SLC29A4: variants seen among roughly 807,000 people sequenced by gnomAD.
The protein encoded by SLC29A4 is solute carrier family 29 member 4.
In SLC29A4, 36 loss-of-function variants were observed where a neutral mutation model predicts 43.9. The observed-to-expected ratio is 0.82, with a 90% CI of 0.63 to 1.08. The LOEUF (loss-of-function observed/expected upper bound fraction) is 1.08. SLC29A4 is among the 50% of genes least tolerant of loss of function. SLC29A4 has a pLI of 0.00. For missense variants in SLC29A4, 869 were observed against 755.3 expected (o/e 1.15, Z -1.77); for synonymous variants, 491 against 338.0 (o/e 1.45, Z -4.97).
intron 1 of SLC29A4, among the ~76,000 whole-genome samples, chr7:5,287,144 G>GCAGTGGCT (rs1562440307): frequency 1.3e-5 from 2 of 152,214 alleles, no homozygotes; most frequent in Non-Finnish European, 2.9e-5. Context: ...AGGGCTGGGC[G>GCAGTGGCT]CAGTGGCTCA....
rs748257892 is a variant in SLC29A4, at chr7:5,294,856, T to TC, written c.545-4_545-3insC. The TC allele has an allele frequency of 3.6e-5, 57 of 1,571,872 alleles. No homozygotes were observed. Among genetic ancestry groups the TC allele is most frequent in the South Asian group, 8.1e-5 (7 of 86,944 alleles). On this transcript the variant is annotated splice_polypyrimidine_tract_variant and splice_region_variant and intron_variant, in intron 5 of 10. Coordinates refer to ENST00000396872, the MANE Select transcript of SLC29A4 (RefSeq NM_153247.4). Reference sequence around the variant, plus strand: ...CTGGGTTGTTCCTCTCTCTCTCTCTTAAGTGCAGCAATCCAGCTTCTACGG... The same window carrying TC: ...CTGGGTTGTTCCTCTCTCTCTCTCTTCAAGTGCAGCAATCCAGCTTCTACGG...
Position 5,297,144 on chromosome 7 carries a change from C to A in SLC29A4, c.828C>A (p.Gly276=). The A allele has an allele frequency of 6.2e-7, 1 of 1,604,208 alleles. No individual in the cohort carries two copies. The highest frequency in any genetic ancestry group is 8.5e-7 in the Non-Finnish European group (1 of 1,179,172). ...GCCACCGGGGCAGGCCAGGCCTGGG[C>A]AGGGGCTATGGCTACCGCGTGCACC... The part of the protein sequence containing the change: ...RDSHRGRPGL[G]RGYGYRVHHD... Residue 276 remains glycine (G), a synonymous_variant, in exon 7 of 11, where the codon GGC becomes GGA. Transcript: ENST00000396872.
In SLC29A4 at chr7:5,303,089, C is replaced by G. The variant is rs1314172303; in HGVS notation, c.*150C>G. 2 of 917,586 alleles carry G rather than the reference C, an allele frequency of 2.2e-6. No homozygotes were observed. The highest frequency in any genetic ancestry group is 3.2e-6 in the Non-Finnish European group (2 of 620,120). 56.8% of individuals were successfully genotyped at this position (917,586 alleles called of 1,614,324 possible). A position where few individuals can be genotyped will look rare whatever the true frequency, so the allele number is the denominator to read the frequency against. On this transcript the variant is annotated 3_prime_UTR_variant, in exon 11 of 11. Coordinates refer to ENST00000396872, the MANE Select transcript of SLC29A4 (RefSeq NM_153247.4). Reference sequence around the variant, plus strand: ...CACTCCCTCAGGGTCCAGCCATGCCCCACCCTGGACTGAAGTTCTGCAAAG... The same window carrying G: ...CACTCCCTCAGGGTCCAGCCATGCCGCACCCTGGACTGAAGTTCTGCAAAG...
At chr7:5,300,336 T>TG in intron 9 of SLC29A4, 86 bp from the exon 10 acceptor site, 2 of 1,568,934 alleles carry the variant, frequency 1.3e-6, no homozygotes, top group Non-Finnish European at 8.6e-7. Flanking sequence ...TGTTTAGGGA[T>TG]GGGGATGTGG....
intron 10 of SLC29A4, 72 bp downstream of exon 10, chr7:5,300,734 G>A: frequency 1.3e-6 from 2 of 1,558,904 alleles, no homozygotes; most frequent in Non-Finnish European, 1.7e-6. Context: ...AGGAAACCCA[G>A]GCTAGACCGC....
intron 1 of SLC29A4, among the ~76,000 whole-genome samples, chr7:5,286,018 A>G (rs1784921322): frequency 6.6e-6 from 1 of 151,718 alleles, no homozygotes; most frequent in African/African-American, 2.4e-5. Flanking sequence ...TCAGAAAAAA[A>G]AACAAAAAAC....
intron 10 of SLC29A4, among the ~76,000 whole-genome samples, chr7:5,301,169 T>C (rs190858533): frequency 5.8e-4 from 87 of 149,804 alleles, no homozygotes; most frequent in African/African-American, 2.1e-3. Flanking sequence ...GAGGCTGAGA[T>C]GGGAGGATCA....
chr7:5,285,224 C>G (rs1171388136), intron 1 of SLC29A4, among the ~76,000 whole-genome samples: 1 of 152,098 alleles, frequency 6.6e-6, no homozygotes, highest in Non-Finnish European at 1.5e-5. Flanking sequence ...TCGTTCAAGC[C>G]CAGCCCAGCT....
At chr7:5,285,154 C>G (rs1784870034) in intron 1 of SLC29A4, among the ~76,000 whole-genome samples, 1 of 152,174 alleles carries the variant, frequency 6.6e-6, no homozygotes, top group Non-Finnish European at 1.5e-5. Flanking sequence ...CTCTTGAGCT[C>G]AGGCTCCTGT....
At chr7:5,301,261 G>GAAA (rs369876573) in intron 10 of SLC29A4, among the ~76,000 whole-genome samples, 5 of 146,258 alleles carry the variant, frequency 3.4e-5, no homozygotes, top group African/African-American at 1.3e-4. Flanking sequence ...TCCTGTCTGG[G>GAAA]GAAAAAAAAA....
At chr7:5,283,280 C>G (rs1243687186) in intron 1 of SLC29A4, among the ~76,000 whole-genome samples, 198 bp downstream of exon 1, 2 of 151,614 alleles carry the variant, frequency 1.3e-5, no homozygotes, top group African/African-American at 4.8e-5. Context: ...CGGCGACAAG[C>G]GCGGACCCGG....
Position 5,297,048 on chromosome 7 carries a change from G to C in SLC29A4, c.732G>C (p.Leu244=), listed in dbSNP as rs1287660277. The C allele has an allele frequency of 3.1e-6, 5 of 1,607,554 alleles. No individual in the cohort carries two copies. Among genetic ancestry groups the C allele is most frequent in the Admixed American group, 1.7e-5 (1 of 59,978 alleles). The part of the protein sequence containing the change: ...FFLVSVALEL[L]CFLLHLLVRR... ...TGGTGTCGGTGGCGCTGGAGCTGCTGTGTTTCCTGCTGCACCTGTTAGTGC... is the reference window on the plus strand; with the variant it reads ...TGGTGTCGGTGGCGCTGGAGCTGCTCTGTTTCCTGCTGCACCTGTTAGTGC... The change falls in exon 7 of 11, where the codon CTG becomes CTC. Residue 244 remains leucine, a synonymous_variant. Coordinates refer to ENST00000396872, the MANE Select transcript of SLC29A4 (RefSeq NM_153247.4).
At chr7:5,295,576 C>T (rs73673104) in intron 6 of SLC29A4, among the ~76,000 whole-genome samples, 6,829 of 152,324 alleles carry the variant, frequency 0.045, 448 homozygotes, top group African/African-American at 0.15. Context: ...GCACTGTGTG[C>T]GTGGAAGCCC....
intron 5 of SLC29A4, among the ~76,000 whole-genome samples, chr7:5,293,072 C>G (rs992936598): frequency 2.0e-5 from 3 of 151,398 alleles, no homozygotes; most frequent in Non-Finnish European, 2.9e-5. Flanking sequence ...TTCCTTTAAT[C>G]CGGGACGGTC....
chr7:5,288,505 C>T (rs1455412562), intron 2 of SLC29A4, among the ~76,000 whole-genome samples: 2 of 151,514 alleles, frequency 1.3e-5, no homozygotes, highest in East Asian at 1.9e-4. Context: ...GGGGTTTCAC[C>T]GTGGTCTCGA....
chr7:5,300,878 C>T (rs937520433), intron 10 of SLC29A4, among the ~76,000 whole-genome samples: 5 of 152,200 alleles, frequency 3.3e-5, no homozygotes, highest in Admixed American at 1.3e-4. Flanking sequence ...TGAGCCCCTC[C>T]TGTGGACCAA....
At chr7:5,285,490 TGGCTTCAAAGCCCCAGTGA>T (rs1391919812) in intron 1 of SLC29A4, among the ~76,000 whole-genome samples, 4 of 152,242 alleles carry the variant, frequency 2.6e-5, no homozygotes, top group Non-Finnish European at 5.9e-5. Context: ...GGGAAGGCTC[TGGCTTCAAAGCCCCAGTGA>T]GGCCCCAGGC....
chr7:5,300,927 C>A (rs181210820), intron 10 of SLC29A4, among the ~76,000 whole-genome samples: 1 of 152,198 alleles, frequency 6.6e-6, no homozygotes, highest in African/African-American at 2.4e-5. Context: ...GGCGACAAAA[C>A]GGCGCTCCCC....
At chr7:5,301,262 G>GAA (rs11427507) in intron 10 of SLC29A4, among the ~76,000 whole-genome samples, 7 of 115,810 alleles carry the variant, frequency 6.0e-5, no homozygotes, top group East Asian at 2.1e-4. Flanking sequence ...CCTGTCTGGG[G>GAA]AAAAAAAAAA....
Sources: gnomAD v4.1 joint callset for allele counts (sites outside exome capture counted in the v4.1 genomes callset) on GRCh38, gnomAD v4.1.1 for gene constraint, MANE v1.5 for transcripts, NCBI Gene and HGNC (gene_info 2026-07-23, HGNC 2026-07-21) for gene names.